CADM2: variants seen among roughly 807,000 people sequenced by gnomAD.
CADM2 encodes the protein cell adhesion molecule 2, also known as immunoglobulin superfamily member 4D.
A neutral mutation model predicts 49.8 loss-of-function variants in CADM2; 12 were observed. The observed-to-expected ratio is 0.24, with a 90% confidence interval of 0.15 to 0.39. The LOEUF is 0.39. CADM2 is among the 10% of genes least tolerant of loss of function. The pLI is 1.00. For missense variants in CADM2, 378 were observed against 492.3 expected (o/e 0.77, Z 2.20); for synonymous variants, 214 against 175.4 (o/e 1.22, Z -1.74).
intron 8 of CADM2, among the ~76,000 whole-genome samples, chr3:86,061,107 C>A (rs1422682688): frequency 1.3e-5 from 2 of 151,682 alleles, no homozygotes; most frequent in East Asian, 1.9e-4. Flanking sequence ...AAACATATGA[C>A]CCAATACCAT....
intron 1 of CADM2, among the ~76,000 whole-genome samples, chr3:85,046,682 T>C (rs764767551): frequency 6.6e-6 from 1 of 152,058 alleles, no homozygotes. Context: ...AGAAAAATTA[T>C]GAAATTAATA....
chr3:85,908,537 T>C (rs1717119795), intron 5 of CADM2, among the ~76,000 whole-genome samples: 1 of 152,140 alleles, frequency 6.6e-6, no homozygotes, highest in Admixed American at 6.5e-5. Flanking sequence ...TTGAGGAATT[T>C]TTCTTTAGGT....
chr3:85,755,588 C>T (rs1427562537), intron 2 of CADM2, among the ~76,000 whole-genome samples: 1 of 152,110 alleles, frequency 6.6e-6, no homozygotes. Flanking sequence ...GTTCACTATT[C>T]CATGGGCTGT....
At chr3:85,802,000 AT>A in intron 2 of CADM2, 46 bp from the exon 3 acceptor site, 1 of 1,514,912 alleles carries the variant, frequency 6.6e-7, no homozygotes, top group Non-Finnish European at 8.9e-7. Flanking sequence ...GCAGTTAATC[AT>A]TTTATGACTT....
chr3:85,476,819 T>A (rs1424386262), intron 1 of CADM2, among the ~76,000 whole-genome samples: 1 of 151,936 alleles, frequency 6.6e-6, no homozygotes, highest in East Asian at 1.9e-4. Context: ...GTGTCATTAA[T>A]CTATCTTCCT....
chr3:85,912,657 C>A, intron 6 of CADM2, 114 bp downstream of exon 6: 1 of 1,003,160 alleles, frequency 1.0e-6, no homozygotes, highest in Non-Finnish European at 1.5e-6. Context: ...AAATCCACGG[C>A]AAAATGAAGT....
intron 1 of CADM2, among the ~76,000 whole-genome samples, chr3:85,481,729 C>A (rs1036854373): frequency 6.6e-6 from 1 of 151,494 alleles, no homozygotes; most frequent in East Asian, 1.9e-4. Flanking sequence ...TATTTAAATT[C>A]TTGTGCTAGG....
intron 1 of CADM2, among the ~76,000 whole-genome samples, chr3:85,723,781 A>G (rs1467483386): frequency 6.6e-6 from 1 of 152,066 alleles, no homozygotes; most frequent in East Asian, 1.9e-4. Flanking sequence ...GATTTCTTAT[A>G]AAAGATTGGT....
At chr3:85,413,065 C>T (rs1198913714) in intron 1 of CADM2, among the ~76,000 whole-genome samples, 7 of 136,554 alleles carry the variant, frequency 5.1e-5, no homozygotes, top group South Asian at 2.4e-4. Flanking sequence ...GGTGTGAACC[C>T]GGAAGGCGGA....
chr3:85,640,805 G>A (rs1008054799), intron 1 of CADM2, among the ~76,000 whole-genome samples: 7 of 152,138 alleles, frequency 4.6e-5, no homozygotes, highest in Admixed American at 3.3e-4. Context: ...AGAGATTGTT[G>A]CAGAATTTCA....
At chr3:85,963,811 C>T (rs540495143) in intron 8 of CADM2, among the ~76,000 whole-genome samples, 1 of 151,824 alleles carries the variant, frequency 6.6e-6, no homozygotes, top group African/African-American at 2.4e-5. Context: ...TAAATACTTC[C>T]CTAAGCACTT....
intron 1 of CADM2, among the ~76,000 whole-genome samples, chr3:85,420,556 A>G (rs531234334): frequency 6.6e-6 from 1 of 152,334 alleles, no homozygotes; most frequent in Non-Finnish European, 1.5e-5. Context: ...AATATGCTCC[A>G]TGGCAAAATC....
intron 1 of CADM2, among the ~76,000 whole-genome samples, chr3:85,210,304 A>G (rs1559722077): frequency 6.6e-6 from 1 of 152,142 alleles, no homozygotes; most frequent in African/African-American, 2.4e-5. Context: ...TGAACCATCC[A>G]TGTCTCCCTG....
intron 1 of CADM2, among the ~76,000 whole-genome samples, chr3:85,211,204 A>T (rs1030880797): frequency 6.6e-6 from 1 of 151,838 alleles, no homozygotes; most frequent in African/African-American, 2.4e-5. Context: ...TAGCCTGGCG[A>T]TAGGTTTGTC....
At chr3:85,710,586 C>A (rs892929226) in intron 1 of CADM2, among the ~76,000 whole-genome samples, 1 of 152,106 alleles carries the variant, frequency 6.6e-6, no homozygotes, top group Non-Finnish European at 1.5e-5. Flanking sequence ...GTTTCCACAT[C>A]TGAAACATTG....
chr3:85,124,570 TC>T (rs2038966158), intron 1 of CADM2, among the ~76,000 whole-genome samples: 1 of 152,120 alleles, frequency 6.6e-6, no homozygotes, highest in African/African-American at 2.4e-5. Context: ...ACCACTGCAT[TC>T]CAGCTTGGCT....
chr3:85,288,654 G>GTATAATTTT lies in CADM2; in HGVS notation c.61+328986_61+328987insTATAATTTT, dbSNP rs532900959. Among the ~76,000 whole-genome samples the GTATAATTTT allele has an allele frequency of 2.8e-4, 43 of 152,086 alleles. No homozygotes were observed. The East Asian group carries it at 8.3e-3, about 30-fold the overall frequency. On this transcript the variant is annotated intron_variant, in intron 1 of 9. Coordinates refer to ENST00000383699, the MANE Select transcript of CADM2 (RefSeq NM_001167675.2). ...TTGGCTCAGCTATACCTGATCTGTA[G>GTATAATTTT]GTGCACATGCAAAATTCAGTGATAA...
At chr3:85,181,608 A>T (rs2040936721) in intron 1 of CADM2, among the ~76,000 whole-genome samples, 3 of 152,008 alleles carry the variant, frequency 2.0e-5, no homozygotes, top group Admixed American at 2.0e-4. Flanking sequence ...CTCTAAAAAT[A>T]AGGGCATATT....
intron 1 of CADM2, among the ~76,000 whole-genome samples, chr3:85,193,692 A>G (rs183131456): frequency 9.8e-4 from 149 of 152,142 alleles, no homozygotes; most frequent in Middle Eastern, 3.4e-3. Flanking sequence ...GTGATCTCTA[A>G]TTGCTATGAA....
Sources: gnomAD v4.1 joint callset for allele counts (sites outside exome capture counted in the v4.1 genomes callset) on GRCh38, gnomAD v4.1.1 for gene constraint, MANE v1.5 for transcripts, NCBI Gene and HGNC (gene_info 2026-07-23, HGNC 2026-07-21) for gene names.